Variants in ALPK2 observed in about 807,000 individuals in gnomAD.
ALPK2 encodes the protein alpha-protein kinase 2.
Under a neutral mutation model 163.1 loss-of-function variants are expected in ALPK2, and 127 were observed. That is an observed-to-expected ratio of 0.78 (90% confidence interval 0.67 to 0.90). The LOEUF is 0.90. Ranked by LOEUF, ALPK2 falls within the 40% of genes least tolerant of loss-of-function variation. The probability of loss-of-function intolerance (pLI) is 0.00; values close to 1 mark genes in which losing one functional copy is unlikely to be tolerated. For synonymous variants in ALPK2, 953 were observed against 959.1 expected (o/e 0.99, Z 0.12); for missense variants, 2,360 against 2,589.6 (o/e 0.91, Z 1.92).
chr18:58,528,334 C>T (rs2144137631), intron 6 of ALPK2, among the ~76,000 whole-genome samples: 1 of 152,220 alleles, frequency 6.6e-6, no homozygotes, highest in African/African-American at 2.4e-5. Flanking sequence ...GAGTTCAAGA[C>T]CAGCCTGGGC....
chr18:58,499,834 T>C (rs774897315), intron 11 of ALPK2, among the ~76,000 whole-genome samples: 2 of 152,172 alleles, frequency 1.3e-5, no homozygotes, highest in Non-Finnish European at 2.9e-5. Context: ...GTTTGGGCTG[T>C]GGAAAGAAAA....
rs1057234279 is a variant in ALPK2 at position 58,596,271 on chromosome 18, G to A, written c.227+11051C>T. On this transcript the variant is annotated intron_variant, in intron 3 of 12. Transcript: ENST00000361673. ...TCTGCCGTTCTGTTGTCAGGGCCTC[G>A]GTGCTGGCTGTGTCCTGTGTCCCTC... Among the ~76,000 whole-genome samples the A allele has an allele frequency of 5.3e-5, 8 of 152,164 alleles. No individual in the cohort carries two copies. In the East Asian group the frequency reaches 7.7e-4, roughly 15 times the overall value.
intron 1 of ALPK2, among the ~76,000 whole-genome samples, chr18:58,621,439 T>C (rs951405907): frequency 2.6e-5 from 4 of 151,962 alleles, no homozygotes; most frequent in Admixed American, 6.6e-5. Flanking sequence ...GCCCGGCTAA[T>C]TGTTTGTATT....
chr18:58,613,979 T>C (rs966633098), intron 1 of ALPK2, among the ~76,000 whole-genome samples: 3 of 152,136 alleles, frequency 2.0e-5, no homozygotes, highest in Admixed American at 6.6e-5. Flanking sequence ...CAAAAAGTGT[T>C]CCCAAACTGC....
chr18:58,571,649 A>G (rs1164662462), intron 4 of ALPK2, among the ~76,000 whole-genome samples: 3 of 152,130 alleles, frequency 2.0e-5, no homozygotes, highest in Non-Finnish European at 4.4e-5. Flanking sequence ...AGACCTCATC[A>G]ATATGAAAAG....
At chr18:58,487,267 CAG>C (rs774705191) in intron 12 of ALPK2, among the ~76,000 whole-genome samples, 60 of 152,264 alleles carry the variant, frequency 3.9e-4, no homozygotes, top group African/African-American at 1.1e-3. Flanking sequence ...CAGAGACACA[CAG>C]GGGGAATATC....
At chr18:58,607,291 G>A (rs1266951867) in intron 3 of ALPK2, 31 bp downstream of exon 3, 2 of 1,471,936 alleles carry the variant, frequency 1.4e-6, no homozygotes, top group East Asian at 2.3e-5. Context: ...AAGGATATTA[G>A]TAAACAGTCC....
chr18:58,611,606 GT>G lies in ALPK2; in HGVS notation c.109+82del, dbSNP rs2052131781. On this transcript the variant is annotated intron_variant, in intron 2 of 12. Transcript: ENST00000361673. The stretch of plus-strand genomic sequence containing the variant: ...TTCCAAGGTAATTTTCCCAAATGAT[GT>G]TTTAGTAATGCCTTTGTGAGCCAAG... The G allele has an allele frequency of 4.9e-6, 6 of 1,226,050 alleles. No homozygotes were observed. The South Asian group carries it at 8.1e-5, about 17-fold the overall frequency. The allele number at this position is 1,226,050 out of a possible 1,614,324, so 75.9% of individuals were successfully genotyped here. A position where few individuals can be genotyped will look rare whatever the true frequency, so the allele number is the denominator to read the frequency against.
In ALPK2 at chr18:58,611,835, C is replaced by T. The variant is rs1288559711; in HGVS notation, c.-20-18G>A. The stretch of plus-strand genomic sequence containing the variant: ...CACCAAATCTGAAAAAAAAAAAAAT[C>T]CCCGACATCACCATTTGTTCTGGGA... On this transcript the variant is annotated intron_variant, in intron 1 of 12. Transcript: ENST00000361673. 1 of 1,248,998 alleles carries T rather than the reference C, an allele frequency of 8.0e-7. No individual in the cohort carries two copies. The highest frequency in any genetic ancestry group is 1.3e-5 in the South Asian group (1 of 74,108). 77.4% of individuals were successfully genotyped at this position (1,248,998 alleles called of 1,614,324 possible). A position where few individuals can be genotyped will look rare whatever the true frequency, so the allele number is the denominator to read the frequency against.
chr18:58,627,667 A>G (rs940860178), intron 1 of ALPK2, among the ~76,000 whole-genome samples: 1 of 152,116 alleles, frequency 6.6e-6, no homozygotes, highest in Non-Finnish European at 1.5e-5. Context: ...AAAAAAGGAC[A>G]ATGTATATTT....
intron 8 of ALPK2, among the ~76,000 whole-genome samples, chr18:58,521,835 C>T (rs1468992529): frequency 1.3e-5 from 2 of 151,772 alleles, no homozygotes; most frequent in African/African-American, 4.8e-5. Context: ...ACCATGTTGG[C>T]CAGGATAGTC....
intron 1 of ALPK2, among the ~76,000 whole-genome samples, chr18:58,615,573 G>A (rs969471005): frequency 2.6e-5 from 4 of 152,218 alleles, no homozygotes; most frequent in Non-Finnish European, 4.4e-5. Flanking sequence ...AATCAGCGTA[G>A]TATAAGGAAA....
chr18:58,532,701 G>A (rs2051622551), intron 5 of ALPK2, among the ~76,000 whole-genome samples: 1 of 152,160 alleles, frequency 6.6e-6, no homozygotes, highest in Admixed American at 6.5e-5. Context: ...TAAAAAAACA[G>A]TAACTAACAA....
At chr18:58,593,987 G>T (rs2052029068) in intron 3 of ALPK2, among the ~76,000 whole-genome samples, 1 of 149,548 alleles carries the variant, frequency 6.7e-6, no homozygotes. Flanking sequence ...GCATAATGGG[G>T]TGAAACCTTC....
At chr18:58,605,711 G>C (rs879876425) in intron 3 of ALPK2, among the ~76,000 whole-genome samples, 3 of 152,238 alleles carry the variant, frequency 2.0e-5, no homozygotes, top group Non-Finnish European at 4.4e-5. Flanking sequence ...ACGAGGAAGG[G>C]GAGACCTCGA....
intron 4 of ALPK2, among the ~76,000 whole-genome samples, chr18:58,567,039 A>G (rs542107785): frequency 4.0e-5 from 6 of 151,884 alleles, no homozygotes; most frequent in Non-Finnish European, 8.8e-5. Flanking sequence ...CATATTAAAA[A>G]TGCAGGTTCA....
rs2144199035 is a variant in ALPK2, at chr18:58,579,901, T to C, written c.875A>G (p.Asn292Ser). The change falls in exon 4 of 13, where the codon AAC becomes AGC. Residue 292 changes from asparagine to serine, a missense_variant. Asn to Ser is a conservative substitution (Grantham distance 46). Transcript: ENST00000361673. ...GGAAAGCTGTGGGCTGGGTTGTTTG[T>C]TGGCCACGGCACTGTCACCTGGGTA... ...HIYPGDSAVA[N>S]KQPSPQLSSE... 1.2e-6 allele frequency: 2 copies of C among 1,614,204 alleles called. No individual in the cohort carries two copies. The highest frequency in any genetic ancestry group is 2.2e-5 in the South Asian group (2 of 91,086).
rs929004279 is a variant in ALPK2 at position 58,521,874 on chromosome 18, G to A, written c.5665+1932C>T. ...ATCTCTTGACCTCGTGATCCCACTC[G>A]CCTCGGCCTTCCAAAGTGCTGGGAT... On this transcript the variant is annotated intron_variant, in intron 8 of 12. Coordinates refer to ENST00000361673, the MANE Select transcript of ALPK2 (RefSeq NM_052947.4). Among the ~76,000 whole-genome samples, 17 of 151,932 alleles carry A rather than the reference G, an allele frequency of 1.1e-4. No individual in the cohort carries two copies. The East Asian group carries it at 1.7e-3, about 16-fold the overall frequency.
chr18:58,494,216 C>T (rs1162325259), intron 12 of ALPK2, among the ~76,000 whole-genome samples: 2 of 152,112 alleles, frequency 1.3e-5, no homozygotes, highest in African/African-American at 2.4e-5. Flanking sequence ...AAATGGATTA[C>T]TGGATGTCAA....
Sources: allele counts gnomAD v4.1 joint callset (sites outside exome capture counted in the v4.1 genomes callset), GRCh38; gene constraint gnomAD v4.1.1; transcripts MANE v1.5; gene names NCBI Gene and HGNC (gene_info 2026-07-23, HGNC 2026-07-21).